HTRA1: variants seen among roughly 807,000 people sequenced by gnomAD.
HTRA1 encodes HtrA serine peptidase 1, also known as serine protease HTRA1.
A neutral mutation model predicts 49.7 loss-of-function variants in HTRA1; 26 were observed. The observed-to-expected ratio is 0.52, with a 90% CI of 0.38 to 0.73. HTRA1 has a LOEUF of 0.73. HTRA1 is among the 30% of genes least tolerant of loss of function. HTRA1 has a pLI of 0.00. For missense variants in HTRA1, 561 were observed against 667.2 expected, an observed-to-expected ratio of 0.84 and a Z score of 1.75; for synonymous variants, 291 against 286.9, an observed-to-expected ratio of 1.01 and a Z score of -0.14.
At chr10:122,492,228 G>A (rs1276098681) in intron 3 of HTRA1, among the ~76,000 whole-genome samples, 2 of 152,172 alleles carry the variant, frequency 1.3e-5, no homozygotes, top group East Asian at 1.9e-4. Flanking sequence ...CCGCGTCCGT[G>A]GGCCCAGTGA....
Position 122,490,640 on chromosome 10 carries a change from G to A in HTRA1, c.777+1014G>A, listed in dbSNP as rs2097495340. 6.6e-6 allele frequency among the ~76,000 whole-genome samples: 1 copy of A among 152,142 alleles called. No homozygotes were observed. Among genetic ancestry groups the A allele is most frequent in the South Asian group, 2.1e-4 (1 of 4,818 alleles). On this transcript the variant is annotated intron_variant, in intron 3 of 8. Transcript: ENST00000368984. This position sits in a 1 kb window ranked among gnomAD's most constrained non-coding sequence, Gnocchi z 4.2. The stretch of plus-strand genomic sequence containing the variant: ...AGGAAAAGACCAGAGGCTGAGCCAG[G>A]TGGGGTCTCTTGTCCAGCCCTCTGC...
At chr10:122,509,986 C>A (rs2097504867) in intron 6 of HTRA1, 110 bp from the exon 7 acceptor site, 13 of 867,420 alleles carry the variant, frequency 1.5e-5, no homozygotes, top group Non-Finnish European at 2.4e-5. Flanking sequence ...CTCAGTGTAC[C>A]CTTCTGTGGC....
In HTRA1 at chr10:122,506,448, G is replaced by GGT. The variant is rs934428390; in HGVS notation, c.778-233_778-232dup. ...CCAGTTACCTCCCCACGGTTTCCTT[G>GGT]GTGTGTGTGTGGCTTCAGTGTTCAC... On this transcript the variant is annotated intron_variant, in intron 3 of 8. Coordinates refer to ENST00000368984, the MANE Select transcript of HTRA1 (RefSeq NM_002775.5). The surrounding 1 kb of genome is among the most constrained non-coding windows in gnomAD (Gnocchi z 5.2). Among the ~76,000 whole-genome samples, 1 of 152,020 alleles carries GGT rather than the reference G, an allele frequency of 6.6e-6. No individual in the cohort carries two copies. The highest frequency in any genetic ancestry group is 1.5e-5 in the Non-Finnish European group (1 of 68,002).
At chr10:122,496,224 GGTTCTTTTTTTTTTTTT>G (rs1376933073) in intron 3 of HTRA1, among the ~76,000 whole-genome samples, 2 of 32,064 alleles carry the variant, frequency 6.2e-5, no homozygotes, top group South Asian at 7.6e-4. Flanking sequence ...AGAGATTGTG[GGTTCTTTTTTTTTTTTT>G]TTTTTTTTTT....
Position 122,461,594 on chromosome 10 carries a change from G to A in HTRA1, c.-59G>A. 8.8e-7 allele frequency: 1 copy of A among 1,129,990 alleles called. No individual in the cohort carries two copies. The highest frequency in any genetic ancestry group is 1.4e-5 in the South Asian group (1 of 69,876). The allele number at this position is 1,129,990 out of a possible 1,614,324, so 70.0% of individuals were successfully genotyped here. A position where few individuals can be genotyped will look rare whatever the true frequency, so the allele number is the denominator to read the frequency against. ...CCCGAGGCCCTCCTGCACTCTCCCC[G>A]GCGCCGCTCTCCGGCCCTCGCCCTG... On this transcript the variant is annotated 5_prime_UTR_variant, in exon 1 of 9. Coordinates refer to ENST00000368984, the MANE Select transcript of HTRA1 (RefSeq NM_002775.5).
At chr10:122,469,695 C>T (rs2097485313) in intron 1 of HTRA1, among the ~76,000 whole-genome samples, 1 of 152,142 alleles carries the variant, frequency 6.6e-6, no homozygotes, top group Admixed American at 6.5e-5. Flanking sequence ...TCCTTGCTTC[C>T]TAGCTGAGGC....
chr10:122,491,956 C>T (rs2097496071), intron 3 of HTRA1, among the ~76,000 whole-genome samples: 1 of 152,202 alleles, frequency 6.6e-6, no homozygotes, highest in South Asian at 2.1e-4. Context: ...AACAGCATCT[C>T]TTCCAGCTTT....
chr10:122,483,490 A>C (rs1007802079), intron 1 of HTRA1, among the ~76,000 whole-genome samples: 6 of 152,360 alleles, frequency 3.9e-5, no homozygotes, highest in Admixed American at 3.3e-4. Context: ...TTTTCTGCTT[A>C]AAAATGAAAT....
At chr10:122,500,219 G>A (rs977096993) in intron 3 of HTRA1, among the ~76,000 whole-genome samples, 1 of 152,194 alleles carries the variant, frequency 6.6e-6, no homozygotes. Flanking sequence ...GCCAGCATCT[G>A]GAGAATTCTA....
intron 1 of HTRA1, among the ~76,000 whole-genome samples, chr10:122,479,704 G>A (rs1456848521): frequency 6.6e-6 from 1 of 152,122 alleles, no homozygotes; most frequent in Non-Finnish European, 1.5e-5. Context: ...GGTCTGCAGG[G>A]TGGGAGTTGT....
chr10:122,512,227 G>A (rs1430352662), intron 8 of HTRA1, among the ~76,000 whole-genome samples, 162 bp downstream of exon 8: 1 of 152,096 alleles, frequency 6.6e-6, no homozygotes, highest in African/African-American at 2.4e-5. Flanking sequence ...CAGGCCTTCC[G>A]ACCTGGCTCG....
At chr10:122,504,165 C>T (rs2097502072) in intron 3 of HTRA1, among the ~76,000 whole-genome samples, 1 of 152,208 alleles carries the variant, frequency 6.6e-6, no homozygotes, top group Non-Finnish European at 1.5e-5. Flanking sequence ...CCTGCAGCCT[C>T]CATCCCTGCC....
intron 5 of HTRA1, 59 bp from the exon 6 acceptor site, chr10:122,508,597 G>T (rs2097504181): frequency 9.5e-7 from 1 of 1,055,154 alleles, no homozygotes; most frequent in African/African-American, 1.6e-5. Flanking sequence ...TTCTCTCTGG[G>T]TGTGTACCTG....
chr10:122,506,353 C>T lies in HTRA1; in HGVS notation c.778-338C>T, dbSNP rs2097503050. 6.6e-6 allele frequency among the ~76,000 whole-genome samples: 1 copy of T among 152,186 alleles called. No individual in the cohort carries two copies. The highest frequency in any genetic ancestry group is 2.4e-5 in the African/African-American group (1 of 41,442). ...AAATTCATGTTGTCTTCCTCTGTCT[C>T]TTGGCCTCAAGGTTTCAGAGTGAGT... is the stretch of plus-strand genomic sequence containing the variant. On this transcript the variant is annotated intron_variant, in intron 3 of 8. Transcript: ENST00000368984. The surrounding 1 kb of genome is among the most constrained non-coding windows in gnomAD (Gnocchi z 5.2).
intron 1 of HTRA1, among the ~76,000 whole-genome samples, chr10:122,471,773 G>A (rs138226993): frequency 2.0e-5 from 3 of 152,268 alleles, no homozygotes; most frequent in Non-Finnish European, 2.9e-5. Flanking sequence ...TGAGCCCTCC[G>A]CATCTCAGCC....
At chr10:122,462,191 A>C (rs946731411) in intron 1 of HTRA1, 67 bp downstream of exon 1, 100 of 1,333,946 alleles carry the variant, frequency 7.5e-5, no homozygotes, top group Non-Finnish European at 1.0e-4. Flanking sequence ...CTTCTGCGGG[A>C]CTGGTGGGCA....
At chr10:122,501,776 A>T (rs1435544558) in intron 3 of HTRA1, among the ~76,000 whole-genome samples, 2 of 152,026 alleles carry the variant, frequency 1.3e-5, no homozygotes. Context: ...TCATGGACAC[A>T]GTCACGTCTT....
Position 122,493,499 on chromosome 10 carries a change from C to T in HTRA1, c.777+3873C>T, listed in dbSNP as rs954197825. 5.9e-5 allele frequency among the ~76,000 whole-genome samples: 9 copies of T among 152,004 alleles called. 1 individual carries two copies. Among genetic ancestry groups the T allele is most frequent in the African/African-American group, 1.7e-4 (7 of 41,368 alleles). On this transcript the variant is annotated intron_variant, in intron 3 of 8. Transcript: ENST00000368984. ...ATCCAATGGTGGCATTTTGTCCCTG[C>T]GGGGTTTTTTTTTCCTGAGCAGTTT...
rs192143511 is a variant in HTRA1 at position 122,473,338 on chromosome 10, A to G, written c.472+11214A>G. Among the ~76,000 whole-genome samples the G allele has an allele frequency of 1.6e-3, 251 of 152,318 alleles. 4 individuals are homozygous for G. Among genetic ancestry groups the G allele is most frequent in the Middle Eastern group, 6.8e-3 (2 of 294 alleles). On this transcript the variant is annotated intron_variant, in intron 1 of 8. Transcript: ENST00000368984. ...CAAGCTAAGAGGCGACAGAGAACCCAGGTCTCAGGAAGCCCAGCCCAGAGC... is the reference window on the plus strand; with the variant it reads ...CAAGCTAAGAGGCGACAGAGAACCCGGGTCTCAGGAAGCCCAGCCCAGAGC...
Sources: allele counts gnomAD v4.1 joint callset (sites outside exome capture counted in the v4.1 genomes callset), GRCh38; gene constraint gnomAD v4.1.1; non-coding constraint Gnocchi (gnomAD v3.1); transcripts MANE v1.5; gene names NCBI Gene and HGNC (gene_info 2026-07-23, HGNC 2026-07-21).